Variants in DNAH9 observed in about 807,000 individuals in gnomAD.
DNAH9 encodes dynein axonemal heavy chain 9.
A neutral mutation model predicts 471.6 loss-of-function variants in DNAH9; 345 were observed. The observed-to-expected ratio is 0.73, with a 90% CI of 0.67 to 0.80. DNAH9 has a LOEUF of 0.80. DNAH9 is among the 30% of genes least tolerant of loss of function. The probability of loss-of-function intolerance (pLI) is 0.00; values close to 1 mark genes in which losing one functional copy is unlikely to be tolerated. For missense variants in DNAH9, 5,407 were observed against 5,609.2 expected, an observed-to-expected ratio of 0.96 and a Z score of 1.15; for synonymous variants, 2,093 against 2,123.6, an observed-to-expected ratio of 0.99 and a Z score of 0.40.
At chr17:11,657,396 C>A (rs968581673) in intron 14 of DNAH9, among the ~76,000 whole-genome samples, 19 of 152,048 alleles carry the variant, frequency 1.2e-4, no homozygotes, top group Admixed American at 6.5e-5. Flanking sequence ...GTGTTTTTCT[C>A]ATTTTAAATT....
intron 49 of DNAH9, among the ~76,000 whole-genome samples, chr17:11,851,276 C>G (rs1971413305): frequency 6.6e-6 from 1 of 152,132 alleles, no homozygotes; most frequent in Non-Finnish European, 1.5e-5. Context: ...GCCATCACAC[C>G]TAGCTAATCT....
intron 27 of DNAH9, among the ~76,000 whole-genome samples, chr17:11,723,787 C>T (rs996612643): frequency 3.3e-5 from 5 of 152,046 alleles, no homozygotes; most frequent in African/African-American, 1.2e-4. Flanking sequence ...CCTGCCTCAG[C>T]CTCCCGAGTA....
At chr17:11,753,637 G>A (rs1967251297) in intron 33 of DNAH9, among the ~76,000 whole-genome samples, 1 of 152,238 alleles carries the variant, frequency 6.6e-6, no homozygotes, top group Non-Finnish European at 1.5e-5. Flanking sequence ...TTGCACTCCA[G>A]CCTGGGCAAC....
At chr17:11,817,812 T>A (rs530282614) in intron 45 of DNAH9, among the ~76,000 whole-genome samples, 1 of 152,294 alleles carries the variant, frequency 6.6e-6, no homozygotes, top group East Asian at 1.9e-4. Flanking sequence ...ATTAACTATC[T>A]CAAAGAATAG....
At position 11,613,731 on chromosome 17, in the gene DNAH9, A is replaced by G. The variant is rs558370864; in HGVS notation, c.904+1951A>G. ...TCTAATTTAGTTGGGTTAAATTGGG[A>G]GTCAATGTAGAGAAAAATATGAAGT... On this transcript the variant is annotated intron_variant, in intron 4 of 68. Transcript: ENST00000262442. Among the ~76,000 whole-genome samples, 41 of 152,316 alleles carry G rather than the reference A, an allele frequency of 2.7e-4. No individual in the cohort carries two copies. In the East Asian group the frequency reaches 7.9e-3, roughly 29 times the overall value.
At position 11,644,633 on chromosome 17, in the gene DNAH9, G is replaced by A. The variant is rs773924297; in HGVS notation, c.1904G>A (p.Cys635Tyr). The A allele has an allele frequency of 4.4e-6, 7 of 1,608,232 alleles. No individual in the cohort carries two copies. The change falls in exon 11 of 69, where the codon TGC becomes TAC. Residue 635 changes from cysteine to tyrosine, a missense_variant and splice_region_variant. This residue lies in a region of DNAH9 where 4,636 missense variants were observed against 4,900.3 expected (regional missense o/e 0.95). Coordinates refer to ENST00000262442, the MANE Select transcript of DNAH9 (RefSeq NM_001372.4). Reference protein sequence around the residue: ...FSNFGRITHPCMESAEGKRMQ... With the variant: ...FSNFGRITHPYMESAEGKRMQ... Reference sequence around the variant, plus strand: ...CTTTTTCTCTTTTGTACGAGTAGTTGCATGGAATCTGCAGAAGGAAAGCGA... The same window carrying A: ...CTTTTTCTCTTTTGTACGAGTAGTTACATGGAATCTGCAGAAGGAAAGCGA...
chr17:11,726,586 T>C (rs928584274), intron 27 of DNAH9, among the ~76,000 whole-genome samples: 5 of 152,196 alleles, frequency 3.3e-5, no homozygotes, highest in Admixed American at 2.6e-4. Flanking sequence ...GACCCTCTCT[T>C]CTGTGAATAT....
chr17:11,725,873 A>C (rs2075142486), intron 27 of DNAH9, among the ~76,000 whole-genome samples: 1 of 152,224 alleles, frequency 6.6e-6, no homozygotes, highest in African/African-American at 2.4e-5. Context: ...TCTCAAAAAA[A>C]CAAACAAAAA....
intron 6 of DNAH9, among the ~76,000 whole-genome samples, chr17:11,627,821 G>C (rs1289175008): frequency 6.6e-6 from 1 of 152,110 alleles, no homozygotes; most frequent in Non-Finnish European, 1.5e-5. Flanking sequence ...AATCTGCGTG[G>C]GTACCCTCCT....
Position 11,738,861 on chromosome 17 carries a change from T to C in DNAH9, c.5815-19T>C, listed in dbSNP as rs778657529. Reference sequence around the variant, plus strand: ...AAAAGGCAATTGAGGAATTTCTCGCTGATTGATTGGTTCACCAGGTAAAAA... The same window carrying C: ...AAAAGGCAATTGAGGAATTTCTCGCCGATTGATTGGTTCACCAGGTAAAAA... On this transcript the variant is annotated intron_variant, in intron 28 of 68. Coordinates refer to ENST00000262442, the MANE Select transcript of DNAH9 (RefSeq NM_001372.4). 5 of 1,612,288 alleles carry C rather than the reference T, an allele frequency of 3.1e-6. No homozygotes were observed. The highest frequency in any genetic ancestry group is 2.2e-5 in the East Asian group (1 of 44,854).
Position 11,963,138 on chromosome 17 carries a change from A to G in DNAH9, c.13233+882A>G, listed in dbSNP as rs576842943. 2.4e-4 allele frequency among the ~76,000 whole-genome samples: 27 copies of G among 112,050 alleles called. No homozygotes were observed. The South Asian group carries it at 7.0e-3, about 29-fold the overall frequency. 73.5% of individuals were successfully genotyped at this position (112,050 alleles called of 152,430 possible). A position where few individuals can be genotyped will look rare whatever the true frequency, so the allele number is the denominator to read the frequency against. On this transcript the variant is annotated intron_variant, in intron 68 of 68. Coordinates refer to ENST00000262442, the MANE Select transcript of DNAH9 (RefSeq NM_001372.4). ...CCTAAATCCAATGACCAGTGCCCTTATAAGAAGACACACAGGTCGGGCACA... is the reference window on the plus strand; with the variant it reads ...CCTAAATCCAATGACCAGTGCCCTTGTAAGAAGACACACAGGTCGGGCACA...
At chr17:11,965,333 T>C (rs1471411117) in intron 68 of DNAH9, among the ~76,000 whole-genome samples, 4 of 152,224 alleles carry the variant, frequency 2.6e-5, no homozygotes, top group Admixed American at 6.5e-5. Flanking sequence ...AGCCAAGACT[T>C]TGTGACTTAT....
chr17:11,690,285 T>TCC lies in DNAH9; in HGVS notation c.4463_4464insCC (p.Ala1489LeufsTer66), dbSNP rs2074312375. The TCC allele has an allele frequency of 1.2e-6, 2 of 1,614,192 alleles. No individual in the cohort carries two copies. The highest frequency in any genetic ancestry group is 3.3e-5 in the Admixed American group (2 of 60,026). On this transcript the variant is annotated frameshift_variant, in exon 20 of 69. Coordinates refer to ENST00000262442, the MANE Select transcript of DNAH9 (RefSeq NM_001372.4). LOFTEE classifies it high-confidence loss of function. ...CAGAACCTGGTGATGTCCAAGTATG[T>TCC]TGCTTTCTTCTTGGAGGAGGTGTCG...
rs778912303 is a variant in DNAH9, at chr17:11,797,609, C to G, written c.8236C>G (p.Pro2746Ala). Reference protein sequence around the residue: ...LKKTFDDIEDPVEQTQSPNLY... With the variant: ...LKKTFDDIEDAVEQTQSPNLY... ...GTCTCATCACCAGGATATTGAAGACCCTGTGGAGCAGACCCAAAGCCCGAA... is the reference window on the plus strand; with the variant it reads ...GTCTCATCACCAGGATATTGAAGACGCTGTGGAGCAGACCCAAAGCCCGAA... Residue 2746 changes from proline to alanine, a missense_variant, in exon 43 of 69, where the codon CCT becomes GCT. Pro to Ala is a conservative substitution (Grantham distance 27). This residue lies in a region of DNAH9 where 4,636 missense variants were observed against 4,900.3 expected (regional missense o/e 0.95). Transcript: ENST00000262442. 5 of 1,612,240 alleles carry G rather than the reference C, an allele frequency of 3.1e-6. No individual in the cohort carries two copies. The Admixed American group carries it at 8.3e-5, about 27-fold the overall frequency.
intron 67 of DNAH9, among the ~76,000 whole-genome samples, chr17:11,955,966 T>C (rs962964153): frequency 1.3e-5 from 2 of 152,206 alleles, no homozygotes; most frequent in African/African-American, 2.4e-5. Context: ...ACCACCCTTT[T>C]CTATTAACCG....
intron 42 of DNAH9, 68 bp from the exon 43 acceptor site, chr17:11,797,529 T>C (rs2150912358): frequency 7.6e-7 from 1 of 1,316,278 alleles, no homozygotes; most frequent in South Asian, 1.4e-5. Context: ...AAATCAGGTG[T>C]CTCTGCTCTG....
chr17:11,938,980 A>G (rs1391121177), intron 66 of DNAH9, among the ~76,000 whole-genome samples: 1 of 152,212 alleles, frequency 6.6e-6, no homozygotes, highest in Non-Finnish European at 1.5e-5. Flanking sequence ...TTTAGCCTCT[A>G]GAGACTGATT....
In DNAH9 at chr17:11,962,064, A is replaced by G. The variant is rs1431661731; in HGVS notation, c.13041A>G (p.Thr4347=). ...DFTMPSTVWL[T]GFFNPQSFLT... ...CAATGCCCTCCACTGTGTGGCTGAC[A>G]GGCTTCTTCAACCCCCAGTCGTTCC... Residue 4347 remains threonine, a synonymous_variant, in exon 68 of 69, where the codon ACA becomes ACG. Coordinates refer to ENST00000262442, the MANE Select transcript of DNAH9 (RefSeq NM_001372.4). The surrounding 1 kb of genome is among the most constrained non-coding windows in gnomAD (Gnocchi z 4.1). The G allele has an allele frequency of 6.2e-7, 1 of 1,614,180 alleles. No individual in the cohort carries two copies. The highest frequency in any genetic ancestry group is 2.2e-5 in the East Asian group (1 of 44,856).
intron 35 of DNAH9, 72 bp from the exon 36 acceptor site, chr17:11,763,368 A>G: frequency 3.6e-6 from 5 of 1,388,516 alleles, no homozygotes; most frequent in Non-Finnish European, 4.0e-6. Flanking sequence ...GAGTGGTTCC[A>G]TAGCTGTCCA....
Sources: gnomAD v4.1 joint callset for allele counts (sites outside exome capture counted in the v4.1 genomes callset) on GRCh38, gnomAD v4.1.1 for gene constraint, gnomAD v4.1.1 regional missense constraint, Gnocchi (gnomAD v3.1) non-coding constraint, MANE v1.5 for transcripts, NCBI Gene and HGNC (gene_info 2026-07-23, HGNC 2026-07-21) for gene names.